Variants in BRWD1 observed in about 807,000 individuals in gnomAD.
The protein encoded by BRWD1 is bromodomain and WD repeat-containing protein 1.
Under a neutral mutation model 251.2 loss-of-function variants are expected in BRWD1, and 82 were observed. The ratio of observed to expected loss-of-function variants is 0.33; its 90% CI spans 0.27 to 0.39. The LOEUF (loss-of-function observed/expected upper bound fraction) is 0.39, where lower values mean the gene tolerates loss of function less well. Among genes scored for constraint, BRWD1 ranks in the 10% least tolerant of loss-of-function variants. BRWD1 has a pLI of 1.00. For synonymous variants in BRWD1, 918 were observed against 902.8 expected (o/e 1.02, Z -0.30); for missense variants, 2,233 against 2,711.6 (o/e 0.82, Z 3.92).
At chr21:39,214,614 T>G (rs144710075) in intron 32 of BRWD1, among the ~76,000 whole-genome samples, 2 of 151,958 alleles carry the variant, frequency 1.3e-5, no homozygotes, top group South Asian at 2.1e-4. Context: ...TTTCTGTCAA[T>G]AGCATGGTAC....
intron 4 of BRWD1, among the ~76,000 whole-genome samples, chr21:39,305,848 G>C (rs1465919940): frequency 1.5e-5 from 2 of 137,768 alleles, no homozygotes; most frequent in African/African-American, 5.5e-5. Context: ...TGGCGACGGT[G>C]CAAGACTGTC....
rs1255401747 is a variant in BRWD1 at position 39,194,693 on chromosome 21, C to T, written c.*1566G>A. The T allele has an allele frequency of 6.5e-7, 1 of 1,534,882 alleles. No individual in the cohort carries two copies. The highest frequency in any genetic ancestry group is 8.7e-7 in the Non-Finnish European group (1 of 1,145,852). On this transcript the variant is annotated 3_prime_UTR_variant, in exon 41 of 41. Coordinates refer to ENST00000342449, the MANE Select transcript of BRWD1 (RefSeq NM_033656.4). The stretch of plus-strand genomic sequence containing the variant: ...TTCAGAACATTCTCTAACATTAATA[C>T]CAGTCTGATGCTTCGCCTTGTCTGC...
intron 4 of BRWD1, among the ~76,000 whole-genome samples, chr21:39,302,807 C>T (rs2036162898): frequency 6.6e-6 from 1 of 151,398 alleles, no homozygotes. Context: ...TGCCTGTAAT[C>T]CCAGCACTTT....
At chr21:39,259,649 G>A (rs922530677) in intron 17 of BRWD1, among the ~76,000 whole-genome samples, 1 of 151,944 alleles carries the variant, frequency 6.6e-6, no homozygotes, top group Non-Finnish European at 1.5e-5. Context: ...TTGAGGTCAA[G>A]AGTTCAAGAC....
intron 15 of BRWD1, 121 bp from the exon 16 acceptor site, chr21:39,265,140 T>G: frequency 9.5e-7 from 1 of 1,052,246 alleles, no homozygotes; most frequent in South Asian, 1.8e-5. Flanking sequence ...AAAAAAAGTT[T>G]CAGCCAGGCA....
At position 39,223,710 on chromosome 21, in the gene BRWD1, T is replaced by A. The variant is rs147804204; in HGVS notation, c.3382+698A>T. 4.3e-3 allele frequency among the ~76,000 whole-genome samples: 650 copies of A among 152,244 alleles called. 1 individual carries two copies. The highest frequency in any genetic ancestry group is 0.014 in the Middle Eastern group (4 of 294). On this transcript the variant is annotated intron_variant, in intron 29 of 40. Coordinates refer to ENST00000342449, the MANE Select transcript of BRWD1 (RefSeq NM_033656.4). Reference sequence around the variant, plus strand: ...GGCTTTAAATAGTTGTCTATTTCAGTAGAAAATCCATAATAAGACAACTTG... The same window carrying A: ...GGCTTTAAATAGTTGTCTATTTCAGAAGAAAATCCATAATAAGACAACTTG...
In BRWD1 at chr21:39,195,859, G is replaced by T; in HGVS notation, c.*400C>A. On this transcript the variant is annotated 3_prime_UTR_variant, in exon 41 of 41. Transcript: ENST00000342449. ...TGTAAACATAGGTTGTGAAATTGTT[G>T]TAACTACTATAGAACAGGGGTTAGA... 2 of 989,756 alleles carry T rather than the reference G, an allele frequency of 2.0e-6. No individual in the cohort carries two copies. Among genetic ancestry groups the T allele is most frequent in the South Asian group, 4.7e-5 (1 of 21,452 alleles). 61.3% of individuals were successfully genotyped at this position (989,756 alleles called of 1,614,324 possible). A position where few individuals can be genotyped will look rare whatever the true frequency, so the allele number is the denominator to read the frequency against.
At chr21:39,304,255 A>C (rs1248082076) in intron 4 of BRWD1, among the ~76,000 whole-genome samples, 1 of 151,824 alleles carries the variant, frequency 6.6e-6, no homozygotes, top group Non-Finnish European at 1.5e-5. Flanking sequence ...AGTGAGAGAA[A>C]GAATAAAGAA....
Position 39,195,814 on chromosome 21 carries a change from G to A in BRWD1, c.*445C>T. On this transcript the variant is annotated 3_prime_UTR_variant, in exon 41 of 41. Coordinates refer to ENST00000342449, the MANE Select transcript of BRWD1 (RefSeq NM_033656.4). ...CCTCCCATGATTATAGTGTCAGTAT[G>A]CATGTATTTATGAAGAATCTGTAAA... 1.0e-6 allele frequency: 1 copy of A among 987,264 alleles called. No individual in the cohort carries two copies. The highest frequency in any genetic ancestry group is 1.7e-5 in the African/African-American group (1 of 57,286). 61.2% of individuals were successfully genotyped at this position (987,264 alleles called of 1,614,324 possible). A position where few individuals can be genotyped will look rare whatever the true frequency, so the allele number is the denominator to read the frequency against.
intron 39 of BRWD1, 94 bp from the exon 40 acceptor site, chr21:39,199,756 G>C (rs1436335184): frequency 4.8e-6 from 6 of 1,260,180 alleles, no homozygotes; most frequent in Admixed American, 5.5e-5. Flanking sequence ...CACTTTTTTG[G>C]GGGGCGGGGA....
chr21:39,281,588 G>T (rs750508239), intron 8 of BRWD1, among the ~76,000 whole-genome samples: 2 of 152,172 alleles, frequency 1.3e-5, no homozygotes, highest in Non-Finnish European at 2.9e-5. Context: ...CCAGTACTAT[G>T]GGAGGCCAAG....
chr21:39,215,028 C>T (rs2032826166), intron 32 of BRWD1, among the ~76,000 whole-genome samples: 1 of 148,350 alleles, frequency 6.7e-6, no homozygotes, highest in Non-Finnish European at 1.5e-5. Context: ...CCACCACGCC[C>T]GGCTAATTTT....
chr21:39,193,786 C>T lies in BRWD1; in HGVS notation c.*2473G>A, dbSNP rs1268840750. The T allele has an allele frequency of 3.0e-6, 3 of 985,050 alleles. No individual in the cohort carries two copies. Among genetic ancestry groups the T allele is most frequent in the Non-Finnish European group, 3.6e-6 (3 of 829,606 alleles). 61.0% of individuals were successfully genotyped at this position (985,050 alleles called of 1,614,324 possible). On this transcript the variant is annotated 3_prime_UTR_variant, in exon 41 of 41. Transcript: ENST00000342449. ...TTAAATCCCTGGGCATTTTGCATAA[C>T]GTAGAAAAAAAAGGCCAAACATGTT...
chr21:39,299,824 A>C (rs975402992), intron 4 of BRWD1, among the ~76,000 whole-genome samples: 12 of 151,662 alleles, frequency 7.9e-5, no homozygotes, highest in African/African-American at 1.9e-4. Flanking sequence ...AAAAAAAAAA[A>C]ACACAAAAAT....
In BRWD1 at chr21:39,313,227, G is replaced by A. The variant is rs753235653; in HGVS notation, c.108+14C>T. On this transcript the variant is annotated intron_variant, in intron 2 of 40. Coordinates refer to ENST00000342449, the MANE Select transcript of BRWD1 (RefSeq NM_033656.4). ...GGACGCCAAGTCCGCAGCCGCCCGC[G>A]GGCCCGCACTCACCTGGGCCGCTCT... 1.3e-6 allele frequency: 2 copies of A among 1,526,542 alleles called. No homozygotes were observed. Among genetic ancestry groups the A allele is most frequent in the Non-Finnish European group, 1.8e-6 (2 of 1,130,214 alleles). 94.6% of individuals were successfully genotyped at this position (1,526,542 alleles called of 1,614,324 possible).
At chr21:39,299,277 C>G (rs2036043862) in intron 4 of BRWD1, among the ~76,000 whole-genome samples, 1 of 151,356 alleles carries the variant, frequency 6.6e-6, no homozygotes, top group South Asian at 2.1e-4. Context: ...TATATGCTAA[C>G]TGGCCTGTAA....
intron 37 of BRWD1, 53 bp downstream of exon 37, chr21:39,206,055 C>G (rs1320608975): frequency 7.2e-6 from 11 of 1,534,342 alleles, no homozygotes; most frequent in East Asian, 2.3e-5. Flanking sequence ...CACAGTGAGA[C>G]TCTCTCCAAA....
chr21:39,217,103 TTTTA>T (rs1223523362), intron 31 of BRWD1: 22 of 48,912 alleles, frequency 4.5e-4, no homozygotes, highest in African/African-American at 1.3e-3. Flanking sequence ...TTTTTTTTTT[TTTTA>T]ATTGCTTAGA....
intron 19 of BRWD1, among the ~76,000 whole-genome samples, chr21:39,253,421 A>T (rs543681067): frequency 6.6e-6 from 1 of 152,054 alleles, no homozygotes; most frequent in Admixed American, 6.6e-5. Context: ...CTTCCTTCGG[A>T]TAAGAAAATA....
Sources: allele counts gnomAD v4.1 joint callset (sites outside exome capture counted in the v4.1 genomes callset), GRCh38; gene constraint gnomAD v4.1.1; transcripts MANE v1.5; gene names NCBI Gene and HGNC (gene_info 2026-07-23, HGNC 2026-07-21).